Variants in SASH1 observed in about 807,000 individuals in gnomAD.
SASH1 encodes SAM and SH3 domain containing 1.
SASH1 carries 44 observed loss-of-function variants against 125.2 expected under a neutral mutation model. The ratio of observed to expected loss-of-function variants is 0.35; its 90% confidence interval spans 0.28 to 0.45. The LOEUF is 0.45. Among genes scored for constraint, SASH1 ranks in the 20% least tolerant of loss-of-function variants. The pLI, the probability that SASH1 is intolerant of heterozygous loss-of-function variation, is 1.00. For synonymous variants in SASH1, 639 were observed against 649.1 expected, an observed-to-expected ratio of 0.98 and a Z score of 0.24; for missense variants, 1,426 against 1,614.5, an observed-to-expected ratio of 0.88 and a Z score of 2.00.
At chr6:148,286,356 G>T (rs1308583133) in intron 1 of SASH1, among the ~76,000 whole-genome samples, 1 of 151,612 alleles carries the variant, frequency 6.6e-6, no homozygotes, top group Non-Finnish European at 1.5e-5. Context: ...AGCCGAGATG[G>T]TGCCACCGCA....
intron 5 of SASH1, among the ~76,000 whole-genome samples, chr6:148,470,171 C>A (rs561088959): frequency 6.6e-6 from 1 of 152,284 alleles, no homozygotes; most frequent in East Asian, 1.9e-4. Context: ...GTGTTAAGCC[C>A]AAAGGCAGTG....
At chr6:148,487,090 T>C (rs543368130) in intron 7 of SASH1, among the ~76,000 whole-genome samples, 3,930 of 100,534 alleles carry the variant, frequency 0.039, 124 homozygotes, top group Non-Finnish European at 0.046. Context: ...AACACATATA[T>C]ATACACACAC....
intron 2 of SASH1, among the ~76,000 whole-genome samples, chr6:148,408,038 T>G (rs1226279067): frequency 6.6e-6 from 1 of 152,162 alleles, no homozygotes; most frequent in Non-Finnish European, 1.5e-5. Flanking sequence ...GCTAACACTT[T>G]TTTTTCCTTT....
chr6:148,268,775 TA>T (rs1778996675), upstream of SASH1, among the ~76,000 whole-genome samples: 1 of 152,246 alleles, frequency 6.6e-6, no homozygotes, highest in African/African-American at 2.4e-5. Flanking sequence ...ATTCAGAGAC[TA>T]TATTTATTTC....
At chr6:148,515,665 T>A (rs1180727813) in intron 9 of SASH1, among the ~76,000 whole-genome samples, 1 of 152,228 alleles carries the variant, frequency 6.6e-6, no homozygotes, top group Non-Finnish European at 1.5e-5. Flanking sequence ...GATGCAATGC[T>A]GATTTTACAT....
intron 8 of SASH1, among the ~76,000 whole-genome samples, chr6:148,509,637 C>A (rs1780004096): frequency 6.6e-6 from 1 of 152,112 alleles, no homozygotes; most frequent in South Asian, 2.1e-4. Context: ...TGCCATATGG[C>A]TTTTGGAAAG....
chr6:148,401,919 C>T (rs1583092727), intron 2 of SASH1, among the ~76,000 whole-genome samples: 1 of 152,086 alleles, frequency 6.6e-6, no homozygotes, highest in East Asian at 1.9e-4. Context: ...GTCCTTTCTC[C>T]TTAGGGTGTG....
At chr6:148,508,972 C>A in intron 8 of SASH1, 1 of 584,630 alleles carries the variant, frequency 1.7e-6, no homozygotes, top group Admixed American at 2.4e-5. Context: ...ATGTTTCTCT[C>A]TCTTTTCTTC....
intron 2 of SASH1, among the ~76,000 whole-genome samples, chr6:148,418,116 G>T (rs945422784): frequency 6.6e-6 from 1 of 152,140 alleles, no homozygotes; most frequent in South Asian, 2.1e-4. Context: ...ATGTTTGGTA[G>T]CTCCAAAGGT....
intron 5 of SASH1, among the ~76,000 whole-genome samples, chr6:148,470,591 G>A (rs955755073): frequency 1.4e-4 from 22 of 152,192 alleles, no homozygotes; most frequent in South Asian, 8.3e-4. Flanking sequence ...AAGGTATTAC[G>A]TGTTATCAAT....
the SASH1 span, among the ~76,000 whole-genome samples, chr6:148,244,305 C>T: frequency 0.047 from 7,149 of 152,184 alleles, 208 homozygotes; most frequent in Middle Eastern, 0.086. Flanking sequence ...TCTTCAAACA[C>T]GTATATTCCT....
At chr6:148,293,607 A>C (rs1451213725) in intron 1 of SASH1, among the ~76,000 whole-genome samples, 2 of 151,500 alleles carry the variant, frequency 1.3e-5, no homozygotes, top group African/African-American at 2.4e-5. Context: ...GCTAGTCTGG[A>C]GGGGGAGGGG....
intron 1 of SASH1, among the ~76,000 whole-genome samples, chr6:148,281,988 G>A (rs1054624790): frequency 6.6e-6 from 1 of 152,002 alleles, no homozygotes; most frequent in African/African-American, 2.4e-5. Flanking sequence ...GAAAAGAAAT[G>A]TGACTATAGT....
chr6:148,497,496 GCTC>G (rs2115252979), intron 8 of SASH1, among the ~76,000 whole-genome samples: 1 of 152,348 alleles, frequency 6.6e-6, no homozygotes, highest in Non-Finnish European at 1.5e-5. Flanking sequence ...CAGACCTGGG[GCTC>G]AGATCCAAAT....
the SASH1 span, chr6:148,240,104 A>T: frequency 6.6e-6 from 1 of 152,086 alleles, no homozygotes; most frequent in African/African-American, 2.4e-5. Context: ...TCATTCAAAG[A>T]TTCTAAACAA....
chr6:148,520,029 G>A (rs1780711400), intron 10 of SASH1, 136 bp downstream of exon 10: 1 of 643,068 alleles, frequency 1.6e-6, no homozygotes, highest in Non-Finnish European at 2.6e-6. Context: ...CTGTTCCAGA[G>A]CTTTTCTCTG....
intron 2 of SASH1, among the ~76,000 whole-genome samples, chr6:148,397,106 C>G (rs142176854): frequency 1.1e-4 from 17 of 152,208 alleles, no homozygotes; most frequent in African/African-American, 4.1e-4. Flanking sequence ...GTGCCTGTTT[C>G]CCGGCGTCCA....
At chr6:148,508,334 T>A in intron 8 of SASH1, 1 of 267,132 alleles carries the variant, frequency 3.7e-6, no homozygotes, top group Non-Finnish European at 5.8e-6. Flanking sequence ...CAGAAGAATG[T>A]CTGAAAAAGA....
intron 4 of SASH1, among the ~76,000 whole-genome samples, chr6:148,443,020 C>T (rs2115011708): frequency 6.6e-6 from 1 of 152,068 alleles, no homozygotes; most frequent in South Asian, 2.1e-4. Flanking sequence ...AAATGATCTG[C>T]CCGCCTCAGC....
Sources: allele counts gnomAD v4.1 joint callset (sites outside exome capture counted in the v4.1 genomes callset), GRCh38; gene constraint gnomAD v4.1.1; transcripts MANE v1.5; gene names NCBI Gene and HGNC (gene_info 2026-07-23, HGNC 2026-07-21).